The following NBAS variants were observed in gnomAD, a reference collection of about 807,000 sequenced individuals.
NBAS encodes the protein NAG/BC035112 fusion.
Under a neutral mutation model 302.5 loss-of-function variants are expected in NBAS, and 219 were observed. That is an observed-to-expected ratio of 0.72 (90% CI 0.65 to 0.81). The LOEUF is 0.81. Ranked by LOEUF, NBAS falls within the 30% of genes least tolerant of loss-of-function variation. The pLI is 0.00. For missense variants in NBAS, 2,932 were observed against 2,841.6 expected, an observed-to-expected ratio of 1.03 and a Z score of -0.72; for synonymous variants, 1,118 against 1,021.6, an observed-to-expected ratio of 1.09 and a Z score of -1.80.
intron 32 of NBAS, among the ~76,000 whole-genome samples, chr2:15,362,765 G>A (rs962232906): frequency 2.0e-4 from 31 of 152,144 alleles, no homozygotes; most frequent in Middle Eastern, 3.4e-3. Context: ...ACCTAGCTAG[G>A]CTACAAGCTC....
chr2:15,133,325 G>T, the NBAS span, among the ~76,000 whole-genome samples: 105,479 of 151,780 alleles, frequency 0.69, 37,339 homozygotes, highest in Non-Finnish European at 0.78. Flanking sequence ...CATAGCGGGG[G>T]GGGGGCAGGG....
the NBAS span, among the ~76,000 whole-genome samples, chr2:14,988,524 TCATGAGGG>T: frequency 6.6e-6 from 1 of 152,158 alleles, no homozygotes; most frequent in African/African-American, 2.4e-5. Context: ...GCTCCCTCCC[TCATGAGGG>T]AAGTTCACTG....
intron 51 of NBAS, among the ~76,000 whole-genome samples, chr2:15,173,872 T>C (rs1042420864): frequency 1.6e-4 from 25 of 152,224 alleles, no homozygotes; most frequent in Admixed American, 1.4e-3. Context: ...CATGTCAATC[T>C]CTCCATGAGA....
At chr2:14,905,637 TG>T in the NBAS span, among the ~76,000 whole-genome samples, 62 of 152,348 alleles carry the variant, frequency 4.1e-4, no homozygotes, top group Middle Eastern at 3.4e-3. Flanking sequence ...TGTTTTGAAC[TG>T]AATGCCATGT....
chr2:14,911,081 C>T, the NBAS span, among the ~76,000 whole-genome samples: 3 of 152,190 alleles, frequency 2.0e-5, no homozygotes, highest in African/African-American at 7.2e-5. Flanking sequence ...CTCTCTGTTC[C>T]TTCCTTTGAA....
the NBAS span, among the ~76,000 whole-genome samples, chr2:15,037,109 C>A: frequency 1.3e-5 from 2 of 152,158 alleles, no homozygotes; most frequent in East Asian, 3.9e-4. Flanking sequence ...AAAGGCTAAT[C>A]TGATGACCCA....
At chr2:14,872,345 G>T in the NBAS span, among the ~76,000 whole-genome samples, 1 of 152,068 alleles carries the variant, frequency 6.6e-6, no homozygotes, top group African/African-American at 2.4e-5. Flanking sequence ...GAACAAAACT[G>T]CCAGCCAACT....
intron 48 of NBAS, among the ~76,000 whole-genome samples, chr2:15,217,946 T>C (rs755702337): frequency 1.6e-4 from 25 of 152,156 alleles, no homozygotes; most frequent in Non-Finnish European, 3.5e-4. Flanking sequence ...AAGGTTCCAT[T>C]AAGCTTGCAA....
intron 33 of NBAS, among the ~76,000 whole-genome samples, chr2:15,355,629 C>T (rs1283908371): frequency 6.6e-6 from 1 of 152,086 alleles, no homozygotes; most frequent in Non-Finnish European, 1.5e-5. Context: ...CATGGTTTAA[C>T]ATCATATCCA....
intron 24 of NBAS, among the ~76,000 whole-genome samples, chr2:15,416,847 T>TG (rs1275475311): frequency 7.2e-6 from 1 of 138,476 alleles, no homozygotes; most frequent in Non-Finnish European, 1.6e-5. Context: ...AAATATAAGA[T>TG]GGGGGAAAAT....
the NBAS span, among the ~76,000 whole-genome samples, chr2:14,917,503 T>C: frequency 6.6e-6 from 1 of 152,184 alleles, no homozygotes; most frequent in East Asian, 1.9e-4. Flanking sequence ...TGCCATACTC[T>C]ATTGGTTAGA....
At chr2:15,174,827 T>C (rs1212503867) in intron 51 of NBAS, among the ~76,000 whole-genome samples, 3 of 152,146 alleles carry the variant, frequency 2.0e-5, no homozygotes, top group Non-Finnish European at 4.4e-5. Flanking sequence ...ACCAAAATAA[T>C]AATATCTTCT....
the NBAS span, among the ~76,000 whole-genome samples, chr2:14,803,408 T>C: frequency 1.1e-4 from 16 of 152,324 alleles, no homozygotes; most frequent in Admixed American, 6.5e-4. Flanking sequence ...TGTGGTAATT[T>C]GCCTTTTGTA....
chr2:15,541,211 A>C (rs1180589065), intron 6 of NBAS, among the ~76,000 whole-genome samples: 1 of 152,164 alleles, frequency 6.6e-6, no homozygotes, highest in East Asian at 1.9e-4. Context: ...TTGTTTACCT[A>C]TTTGCCCCAC....
the NBAS span, among the ~76,000 whole-genome samples, chr2:15,040,047 G>C: frequency 6.6e-6 from 1 of 152,194 alleles, no homozygotes; most frequent in Non-Finnish European, 1.5e-5. Flanking sequence ...GGAGCACTCT[G>C]CGAGGATGGA....
At chr2:15,436,145 G>GA (rs1222503877) in intron 21 of NBAS, among the ~76,000 whole-genome samples, 4 of 152,054 alleles carry the variant, frequency 2.6e-5, no homozygotes, top group Admixed American at 6.5e-5. Flanking sequence ...GCTCTCAAAG[G>GA]AAAAAACTCT....
the NBAS span, among the ~76,000 whole-genome samples, chr2:14,953,399 AAG>A: frequency 1.3e-3 from 201 of 152,314 alleles, no homozygotes; most frequent in African/African-American, 4.7e-3. Flanking sequence ...CTTTAAGTAA[AAG>A]AGATAAAAAT....
In NBAS at chr2:15,322,487, C is replaced by T. The variant is rs1037011638; in HGVS notation, c.4582+5263G>A. Among the ~76,000 whole-genome samples the T allele has an allele frequency of 2.0e-5, 3 of 152,242 alleles. No homozygotes were observed. In the South Asian group the frequency reaches 6.2e-4, roughly 32 times the overall value. The stretch of plus-strand genomic sequence containing the variant: ...GTGCAAAGTAAGTGCCTCTGGAAAG[C>T]ACTCAGATAAATTTAATTCTAGAAC... On this transcript the variant is annotated intron_variant, in intron 38 of 51. Transcript: ENST00000281513.
At chr2:15,292,903 C>G in intron 40 of NBAS, 137 bp from the exon 41 acceptor site, 1 of 879,516 alleles carries the variant, frequency 1.1e-6, no homozygotes, top group Admixed American at 2.1e-5. Flanking sequence ...AGGCTCACAA[C>G]GGCCCTGAAA....
Sources: allele counts gnomAD v4.1 joint callset (sites outside exome capture counted in the v4.1 genomes callset), GRCh38; gene constraint gnomAD v4.1.1; transcripts MANE v1.5; gene names NCBI Gene and HGNC (gene_info 2026-07-23, HGNC 2026-07-21).